PPM1H: variants seen among roughly 807,000 people sequenced by gnomAD.
The protein encoded by PPM1H is protein phosphatase 1H.
In PPM1H, 27 loss-of-function variants were observed where a neutral mutation model predicts 54.9. That is an observed-to-expected ratio of 0.49 (90% confidence interval 0.36 to 0.68). The LOEUF (loss-of-function observed/expected upper bound fraction) is 0.68. PPM1H is among the 30% of genes least tolerant of loss of function. PPM1H has a pLI of 0.00. For synonymous variants in PPM1H, 305 were observed against 270.8 expected, an observed-to-expected ratio of 1.13 and a Z score of -1.24; for missense variants, 596 against 667.8, an observed-to-expected ratio of 0.89 and a Z score of 1.19.
chr12:62,740,045 A>T (rs1260273278), intron 4 of PPM1H, among the ~76,000 whole-genome samples: 1 of 152,208 alleles, frequency 6.6e-6, no homozygotes, highest in African/African-American at 2.4e-5. Context: ...GAACAAAACC[A>T]TGCTAAAGCA....
At chr12:62,703,514 G>C (rs2076155758) in intron 6 of PPM1H, among the ~76,000 whole-genome samples, 1 of 151,896 alleles carries the variant, frequency 6.6e-6, no homozygotes, top group Non-Finnish European at 1.5e-5. Context: ...GGGGCTGGTT[G>C]GGTTTGGGAG....
chr12:62,801,378 C>T (rs191292652), intron 3 of PPM1H, among the ~76,000 whole-genome samples: 44 of 151,936 alleles, frequency 2.9e-4, no homozygotes, highest in African/African-American at 9.4e-4. Flanking sequence ...AGCACAGTGG[C>T]GCAATCTTGG....
In PPM1H at chr12:62,860,982, G is replaced by A. The variant is rs572757114; in HGVS notation, c.246-28703C>T. Among the ~76,000 whole-genome samples, 6 of 152,276 alleles carry A rather than the reference G, an allele frequency of 3.9e-5. No homozygotes were observed. The South Asian group carries it at 1.0e-3, about 26-fold the overall frequency. Reference sequence around the variant, plus strand: ...TAACACTCAACACTCCTATGTGGCAGGAAGAGCAGGCATTACACCTCCCTT... The same window carrying A: ...TAACACTCAACACTCCTATGTGGCAAGAAGAGCAGGCATTACACCTCCCTT... On this transcript the variant is annotated intron_variant, in intron 1 of 9. Transcript: ENST00000228705.
chr12:62,831,927 C>T (rs61922302), intron 2 of PPM1H, among the ~76,000 whole-genome samples, 187 bp downstream of exon 2: 8,139 of 151,784 alleles, frequency 0.054, 251 homozygotes, highest in Middle Eastern at 0.082. Flanking sequence ...ACAAGCTGGT[C>T]ATACATGTGT....
intron 9 of PPM1H, among the ~76,000 whole-genome samples, chr12:62,661,359 G>T (rs1400934280): frequency 6.6e-6 from 1 of 152,054 alleles, no homozygotes; most frequent in East Asian, 1.9e-4. Flanking sequence ...AAATCAGAAT[G>T]GGAGTTATTT....
chr12:62,928,418 G>A (rs1458023482), intron 1 of PPM1H, among the ~76,000 whole-genome samples: 1 of 152,178 alleles, frequency 6.6e-6, no homozygotes, highest in African/African-American at 2.4e-5. Context: ...ATAATTAAGG[G>A]CATCTGCTCT....
In PPM1H at chr12:62,824,585, G is replaced by C. The variant is rs1424254298; in HGVS notation, c.411+7529C>G. On this transcript the variant is annotated intron_variant, in intron 2 of 9. Transcript: ENST00000228705. The stretch of plus-strand genomic sequence containing the variant: ...CCAATGAAACAGAACAGAACCCTCA[G>C]AAATAACAACACACATCTACAACCA... 3.3e-5 allele frequency among the ~76,000 whole-genome samples: 5 copies of C among 152,258 alleles called. No homozygotes were observed. In the South Asian group the frequency reaches 6.2e-4, roughly 19 times the overall value.
rs559394268 is a variant in PPM1H, at chr12:62,811,881, G to A, written c.412-9721C>T. Among the ~76,000 whole-genome samples, 5 of 152,270 alleles carry A rather than the reference G, an allele frequency of 3.3e-5. No homozygotes were observed. In the South Asian group the frequency reaches 6.2e-4, roughly 19 times the overall value. On this transcript the variant is annotated intron_variant, in intron 2 of 9. Coordinates refer to ENST00000228705, the MANE Select transcript of PPM1H (RefSeq NM_020700.2). ...CCAATCTCTGGTATGTCTCAGCAGC[G>A]TGAGAATAAACTAATACAAATCTAT... is the stretch of plus-strand genomic sequence containing the variant.
At chr12:62,690,611 TG>T (rs1184996826) in intron 7 of PPM1H, among the ~76,000 whole-genome samples, 1 of 152,232 alleles carries the variant, frequency 6.6e-6, no homozygotes, top group Non-Finnish European at 1.5e-5. Flanking sequence ...AAACATTTAT[TG>T]GGTGCCTACT....
In PPM1H at chr12:62,673,329, G is replaced by A. The variant is rs75027879; in HGVS notation, c.1246-6000C>T. ...AATACAGCACCTCCACTTAGTGCTCGGCTGCAGGCTGCTGTTTCAGCGTTT... is the reference window on the plus strand; with the variant it reads ...AATACAGCACCTCCACTTAGTGCTCAGCTGCAGGCTGCTGTTTCAGCGTTT... On this transcript the variant is annotated intron_variant, in intron 8 of 9. Coordinates refer to ENST00000228705, the MANE Select transcript of PPM1H (RefSeq NM_020700.2). Among the ~76,000 whole-genome samples, 315 of 152,266 alleles carry A rather than the reference G, an allele frequency of 2.1e-3. 1 individual carries two copies. The highest frequency in any genetic ancestry group is 7.2e-3 in the African/African-American group (298 of 41,546).
chr12:62,671,285 G>C (rs2075955269), intron 8 of PPM1H, among the ~76,000 whole-genome samples: 1 of 152,134 alleles, frequency 6.6e-6, no homozygotes, highest in Non-Finnish European at 1.5e-5. Context: ...CTTTGAAGTG[G>C]GACTGGGGGA....
chr12:62,756,362 C>T (rs1337307822), intron 4 of PPM1H: 2 of 460,994 alleles, frequency 4.3e-6, no homozygotes, highest in African/African-American at 4.0e-5. Context: ...CCATGTAGAC[C>T]CCCTGAAAAG....
intron 8 of PPM1H, among the ~76,000 whole-genome samples, chr12:62,674,321 C>T (rs1199324356): frequency 6.6e-6 from 1 of 152,088 alleles, no homozygotes; most frequent in Non-Finnish European, 1.5e-5. Flanking sequence ...CAGAAATAGC[C>T]AAGGTGGTTC....
chr12:62,675,092 T>C (rs967761277), intron 8 of PPM1H, among the ~76,000 whole-genome samples: 1 of 152,222 alleles, frequency 6.6e-6, no homozygotes, highest in South Asian at 2.1e-4. Context: ...GCTCATACTA[T>C]TGCAAAAGGA....
chr12:62,734,653 A>C (rs1290876140), intron 5 of PPM1H, among the ~76,000 whole-genome samples: 1 of 152,258 alleles, frequency 6.6e-6, no homozygotes, highest in Non-Finnish European at 1.5e-5. Context: ...GAAAAGATGA[A>C]ATCATTTTAA....
intron 3 of PPM1H, among the ~76,000 whole-genome samples, chr12:62,791,326 T>C (rs1187658642): frequency 1.3e-5 from 2 of 151,714 alleles, no homozygotes; most frequent in Non-Finnish European, 2.9e-5. Context: ...CTCAAGCAAA[T>C]AGAAGAGAGG....
intron 1 of PPM1H, among the ~76,000 whole-genome samples, chr12:62,848,295 T>G (rs185538870): frequency 2.1e-4 from 32 of 152,338 alleles, no homozygotes; most frequent in African/African-American, 7.7e-4. Flanking sequence ...AAAAGTTCAT[T>G]AATAAGATGA....
chr12:62,815,187 C>CTTTTT (rs10650338), intron 2 of PPM1H, among the ~76,000 whole-genome samples: 2,975 of 151,172 alleles, frequency 0.02, 108 homozygotes, highest in African/African-American at 0.068. Flanking sequence ...TACCATACCT[C>CTTTTT]TTTTTTTTTG....
chr12:62,899,432 T>G (rs575313549), intron 1 of PPM1H, among the ~76,000 whole-genome samples: 21 of 151,946 alleles, frequency 1.4e-4, no homozygotes, highest in Non-Finnish European at 2.6e-4. Flanking sequence ...AATTAAAAAT[T>G]TAAACTCAAT....
Sources: allele counts gnomAD v4.1 joint callset (sites outside exome capture counted in the v4.1 genomes callset), GRCh38; gene constraint gnomAD v4.1.1; transcripts MANE v1.5; gene names NCBI Gene and HGNC (gene_info 2026-07-23, HGNC 2026-07-21).